FAF2: variants seen among roughly 807,000 people sequenced by gnomAD.
FAF2 encodes the protein Fas associated factor family member 2, also known as FAS-associated factor 2.
A neutral mutation model predicts 62.3 loss-of-function variants in FAF2; 9 were observed. The ratio of observed to expected loss-of-function variants is 0.14; its 90% confidence interval spans 0.09 to 0.25. FAF2 has a LOEUF of 0.25. Ranked by LOEUF, FAF2 falls within the 10% of genes least tolerant of loss-of-function variation. The probability of loss-of-function intolerance (pLI) is 1.00; values close to 1 mark genes in which losing one functional copy is unlikely to be tolerated. For missense variants in FAF2, 368 were observed against 556.2 expected (o/e 0.66, Z 3.40); for synonymous variants, 202 against 198.0 (o/e 1.02, Z -0.17).
intron 1 of FAF2, among the ~76,000 whole-genome samples, chr5:176,469,070 C>A (rs531085118): frequency 6.6e-6 from 1 of 152,012 alleles, no homozygotes; most frequent in South Asian, 2.1e-4. Context: ...CATGGTGAAA[C>A]CCTGTCGGTA....
chr5:176,498,863 G>T (rs1309759128), intron 8 of FAF2, 51 bp from the exon 9 acceptor site: 1 of 1,461,190 alleles, frequency 6.8e-7, no homozygotes, highest in South Asian at 1.5e-5. Flanking sequence ...AGAAAACACA[G>T]AACTTTGTGA....
chr5:176,484,434 C>G (rs1011350331), intron 2 of FAF2, among the ~76,000 whole-genome samples: 4 of 152,200 alleles, frequency 2.6e-5, no homozygotes, highest in African/African-American at 7.2e-5. Flanking sequence ...CAAGACCCAC[C>G]TGTTAGTCAG....
At chr5:176,491,656 T>A (rs368095698) in intron 4 of FAF2, among the ~76,000 whole-genome samples, 3 of 152,332 alleles carry the variant, frequency 2.0e-5, no homozygotes, top group South Asian at 2.1e-4. Flanking sequence ...TAGAACTCTC[T>A]GTGATGATAG....
chr5:176,498,824 C>T, intron 8 of FAF2, 90 bp from the exon 9 acceptor site: 1 of 1,173,192 alleles, frequency 8.5e-7, no homozygotes. Flanking sequence ...CATTTTTACA[C>T]ACACACACAC....
chr5:176,482,079 C>T (rs897737397), intron 2 of FAF2, among the ~76,000 whole-genome samples: 8 of 152,114 alleles, frequency 5.3e-5, no homozygotes, highest in Non-Finnish European at 1.2e-4. Context: ...TTTTGATTTG[C>T]ATTTCCCTAG....
intron 1 of FAF2, among the ~76,000 whole-genome samples, chr5:176,470,316 G>A (rs1758543059): frequency 1.3e-5 from 2 of 152,316 alleles, no homozygotes; most frequent in South Asian, 2.1e-4. Context: ...GGTGACTCAC[G>A]CCTATAATCC....
At chr5:176,489,147 C>T (rs970410233) in intron 4 of FAF2, 120 bp downstream of exon 4, 5 of 657,944 alleles carry the variant, frequency 7.6e-6, no homozygotes, top group African/African-American at 7.3e-5. Flanking sequence ...AGATGGAATA[C>T]ACTTCCCGAA....
At chr5:176,460,513 CGTGTGTGTGTGTGTGT>C (rs747582699) in intron 1 of FAF2, among the ~76,000 whole-genome samples, 12 of 132,626 alleles carry the variant, frequency 9.0e-5, no homozygotes, top group Admixed American at 2.3e-4. Context: ...TTTTTGGCCG[CGTGTGTGTGTGTGTGT>C]GTGTGTGTGT....
chr5:176,464,861 G>A (rs928912613), intron 1 of FAF2, among the ~76,000 whole-genome samples: 1 of 151,952 alleles, frequency 6.6e-6, no homozygotes, highest in African/African-American at 2.4e-5. Context: ...ATTTCTAAAA[G>A]GGGTATTTGA....
Position 176,507,386 on chromosome 5 carries a change from T to A in FAF2, c.*436T>A, listed in dbSNP as rs1755704610. The A allele has an allele frequency of 4.5e-6, 2 of 445,686 alleles. No homozygotes were observed. Among genetic ancestry groups the A allele is most frequent in the Non-Finnish European group, 9.0e-6 (2 of 221,442 alleles). The allele number at this position is 445,686 out of a possible 1,614,324, so 27.6% of individuals were successfully genotyped here. A position where few individuals can be genotyped will look rare whatever the true frequency, so the allele number is the denominator to read the frequency against. On this transcript the variant is annotated 3_prime_UTR_variant, in exon 11 of 11. Coordinates refer to ENST00000261942, the MANE Select transcript of FAF2 (RefSeq NM_014613.3). ...GCATCTCCTGAGGACTTGCTTCTCCTGCCTCTGGGGAAGAGAGGGAAGAGA... is the reference window on the plus strand; with the variant it reads ...GCATCTCCTGAGGACTTGCTTCTCCAGCCTCTGGGGAAGAGAGGGAAGAGA...
rs114933859 is a variant in FAF2, at chr5:176,496,419, G to A, written c.662-67G>A. The A allele has an allele frequency of 4.0e-4, 518 of 1,279,872 alleles. 1 individual carries two copies. The African/African-American group carries it at 7.1e-3, about 18-fold the overall frequency. The allele number at this position is 1,279,872 out of a possible 1,614,324, so 79.3% of individuals were successfully genotyped here. On this transcript the variant is annotated intron_variant, in intron 7 of 10. Coordinates refer to ENST00000261942, the MANE Select transcript of FAF2 (RefSeq NM_014613.3). Reference sequence around the variant, plus strand: ...AAACAGTTCTCTCTCACTCATTGTGGAAAGTCTAAGGGTTGATCTTTTTCA... The same window carrying A: ...AAACAGTTCTCTCTCACTCATTGTGAAAAGTCTAAGGGTTGATCTTTTTCA...
In FAF2 at chr5:176,496,467, T is replaced by C. The variant is rs759715892; in HGVS notation, c.662-19T>C. 6.5e-7 allele frequency: 1 copy of C among 1,546,134 alleles called. No individual in the cohort carries two copies. Among genetic ancestry groups the C allele is most frequent in the South Asian group, 1.2e-5 (1 of 80,206 alleles). ...TCACCGTCAAGTCCTGCCCTTGATCTGTTGGGTCTTTTTATCAGTCTCACA... is the reference window on the plus strand; with the variant it reads ...TCACCGTCAAGTCCTGCCCTTGATCCGTTGGGTCTTTTTATCAGTCTCACA... On this transcript the variant is annotated intron_variant, in intron 7 of 10. Coordinates refer to ENST00000261942, the MANE Select transcript of FAF2 (RefSeq NM_014613.3).
intron 5 of FAF2, among the ~76,000 whole-genome samples, chr5:176,493,448 C>G (rs1038156049): frequency 6.6e-6 from 1 of 152,250 alleles, no homozygotes; most frequent in African/African-American, 2.4e-5. Context: ...CATGCAGGAG[C>G]ACGCACAGGA....
Position 176,508,231 on chromosome 5 carries a change from G to C in FAF2, c.*1281G>C, listed in dbSNP as rs1484032864. The C allele has an allele frequency of 6.6e-6, 1 of 152,164 alleles. No individual in the cohort carries two copies. Among genetic ancestry groups the C allele is most frequent in the Non-Finnish European group, 1.5e-5 (1 of 68,020 alleles). 9.4% of individuals were successfully genotyped at this position (152,164 alleles called of 1,614,324 possible). On this transcript the variant is annotated 3_prime_UTR_variant, in exon 11 of 11. Coordinates refer to ENST00000261942, the MANE Select transcript of FAF2 (RefSeq NM_014613.3). Reference sequence around the variant, plus strand: ...TTTAACCTCTGGATGTCTCGTCTGTGGTTGAGTTTATGGTAATGGGTACAT... The same window carrying C: ...TTTAACCTCTGGATGTCTCGTCTGTCGTTGAGTTTATGGTAATGGGTACAT...
chr5:176,460,552 G>A lies in FAF2; in HGVS notation c.63+12082G>A, dbSNP rs1173374243. 2.0e-5 allele frequency among the ~76,000 whole-genome samples: 3 copies of A among 146,608 alleles called. No homozygotes were observed. In the South Asian group the frequency reaches 6.5e-4, roughly 32 times the overall value. On this transcript the variant is annotated intron_variant, in intron 1 of 10. Coordinates refer to ENST00000261942, the MANE Select transcript of FAF2 (RefSeq NM_014613.3). ...TGTGTGTGTGTGTGTGTGTGTGTGT[G>A]TATTTTTTTTTTCCTGAGGGTCTCA...
intron 1 of FAF2, among the ~76,000 whole-genome samples, chr5:176,456,897 C>A (rs1581467654): frequency 6.6e-6 from 1 of 152,232 alleles, no homozygotes; most frequent in African/African-American, 2.4e-5. Flanking sequence ...ATAGTTATAT[C>A]TTGGAAAGGT....
At chr5:176,482,061 T>A (rs1232019104) in intron 2 of FAF2, among the ~76,000 whole-genome samples, 2 of 152,178 alleles carry the variant, frequency 1.3e-5, no homozygotes, top group Non-Finnish European at 2.9e-5. Context: ...CCTAGTGATC[T>A]AGGGTGGTTT....
intron 4 of FAF2, among the ~76,000 whole-genome samples, chr5:176,489,851 C>T (rs1297757687): frequency 1.3e-5 from 2 of 152,168 alleles, no homozygotes; most frequent in Non-Finnish European, 2.9e-5. Flanking sequence ...CTGGCAGCTT[C>T]GGTACCTTTT....
chr5:176,477,848 A>C (rs1343637902), intron 1 of FAF2, among the ~76,000 whole-genome samples: 2 of 152,204 alleles, frequency 1.3e-5, no homozygotes, highest in Non-Finnish European at 2.9e-5. Flanking sequence ...CAAGAACTTC[A>C]GTTTTCAGAC....
Sources: allele counts gnomAD v4.1 joint callset (sites outside exome capture counted in the v4.1 genomes callset), GRCh38; gene constraint gnomAD v4.1.1; transcripts MANE v1.5; gene names NCBI Gene and HGNC (gene_info 2026-07-23, HGNC 2026-07-21).